The following DHRS4L2 variants were observed in gnomAD, a reference collection of about 807,000 sequenced individuals.
DHRS4L2 encodes dehydrogenase/reductase 4 like 2.
DHRS4L2 carries 22 observed loss-of-function variants against 23.9 expected under a neutral mutation model. The ratio of observed to expected loss-of-function variants is 0.92; its 90% confidence interval spans 0.66 to 1.31. The LOEUF is 1.31. DHRS4L2 is among the 40% of genes most tolerant of loss of function. The probability of loss-of-function intolerance (pLI) is 0.00; values close to 1 mark genes in which losing one functional copy is unlikely to be tolerated. For synonymous variants in DHRS4L2, 141 were observed against 123.7 expected, an observed-to-expected ratio of 1.14 and a Z score of -0.93; for missense variants, 385 against 303.3, an observed-to-expected ratio of 1.27 and a Z score of -2.00.
chr14:23,993,052 C>A (rs1297071767), intron 2 of DHRS4L2, among the ~76,000 whole-genome samples: 1 of 148,706 alleles, frequency 6.7e-6, no homozygotes, highest in Non-Finnish European at 1.5e-5. Flanking sequence ...TGCTGACAGA[C>A]CTGGAAGGAG....
At chr14:23,977,123 G>C (rs899909914) in intron 1 of DHRS4L2, among the ~76,000 whole-genome samples, 1 of 151,822 alleles carries the variant, frequency 6.6e-6, no homozygotes, top group Non-Finnish European at 1.5e-5. Flanking sequence ...AGAAATTCTA[G>C]ATAGAGCAAT....
intron 2 of DHRS4L2, among the ~76,000 whole-genome samples, chr14:23,993,164 C>T (rs907701442): frequency 5.4e-5 from 8 of 148,592 alleles, no homozygotes; most frequent in Admixed American, 5.3e-4. Flanking sequence ...GAGCACAGTG[C>T]ACATCACTTA....
intron 1 of DHRS4L2, 85 bp from the exon 2 acceptor site, chr14:23,990,097 C>A: frequency 1.3e-6 from 2 of 1,566,878 alleles, no homozygotes; most frequent in Non-Finnish European, 1.7e-6. Flanking sequence ...GAATTCAAAC[C>A]CGGGCAGTCT....
intron 1 of DHRS4L2, among the ~76,000 whole-genome samples, chr14:23,976,490 T>C (rs1452458008): frequency 6.6e-6 from 1 of 151,762 alleles, no homozygotes; most frequent in Non-Finnish European, 1.5e-5. Flanking sequence ...ATAGGAAGGC[T>C]TTTAGACTGT....
chr14:23,977,063 C>A lies in DHRS4L2; in HGVS notation c.-176+6731C>A, dbSNP rs573989367. Among the ~76,000 whole-genome samples, 19 of 151,858 alleles carry A rather than the reference C, an allele frequency of 1.3e-4. 1 individual carries two copies. Among genetic ancestry groups the A allele is most frequent in the South Asian group, 8.3e-4 (4 of 4,806 alleles). On this transcript the variant is annotated intron_variant, in intron 1 of 5. Transcript: ENST00000534993. ...ATACATGTATACCTATGTAAAAAAC[C>A]TGCACGTTGTGCACATGTGCCCTAG...
At chr14:23,985,369 CT>C (rs1566490886), upstream of DHRS4L2, among the ~76,000 whole-genome samples, 1 of 151,330 alleles carries the variant, frequency 6.6e-6, no homozygotes, top group Non-Finnish European at 1.5e-5. Context: ...TGTTAACACT[CT>C]TACTATTATT....
intron 1 of DHRS4L2, among the ~76,000 whole-genome samples, chr14:23,972,331 C>T (rs1286323174): frequency 1.3e-5 from 2 of 151,942 alleles, no homozygotes; most frequent in Non-Finnish European, 2.9e-5. Context: ...GTGAGTGTTA[C>T]AGCTCTTAAG....
At chr14:23,982,389 G>T (rs1232092277) in intron 1 of DHRS4L2, among the ~76,000 whole-genome samples, 1 of 151,640 alleles carries the variant, frequency 6.6e-6, no homozygotes, top group Non-Finnish European at 1.5e-5. Context: ...GCATCTCAGG[G>T]CAAAGCAATT....
intron 3 of DHRS4L2, among the ~76,000 whole-genome samples, chr14:23,998,299 T>C (rs1185713144): frequency 3.6e-4 from 54 of 151,798 alleles, no homozygotes; most frequent in African/African-American, 9.7e-5. Context: ...TTCAGAATGG[T>C]AAATGAGCAT....
intron 1 of DHRS4L2, among the ~76,000 whole-genome samples, chr14:23,976,724 A>G (rs963975528): frequency 2.0e-5 from 3 of 151,892 alleles, no homozygotes; most frequent in African/African-American, 7.3e-5. Context: ...TCAATGATAG[A>G]CTGGATAAAG....
chr14:23,983,078 G>C (rs535833230), intron 1 of DHRS4L2, among the ~76,000 whole-genome samples: 1 of 151,540 alleles, frequency 6.6e-6, no homozygotes. Flanking sequence ...AGAGACTATC[G>C]TCAGAGTGAA....
chr14:23,972,680 A>G (rs568133584), intron 1 of DHRS4L2, among the ~76,000 whole-genome samples: 1 of 151,978 alleles, frequency 6.6e-6, no homozygotes, highest in Admixed American at 6.6e-5. Context: ...AACAACAGTG[A>G]GTCCAGGGGA....
chr14:24,001,437 C>T lies in DHRS4L2; in HGVS notation c.585C>T (p.Thr195=). 1 of 1,607,664 alleles carries T rather than the reference C, an allele frequency of 6.2e-7. No homozygotes were observed. ...SKTALLGLNN[T]LAIELAPRNI... Reference sequence around the variant, plus strand: ...CAGCCTTGCTGGGCCTCAACAATACCCTGGCCATAGAGCTGGCCCCAAGGA... The same window carrying T: ...CAGCCTTGCTGGGCCTCAACAATACTCTGGCCATAGAGCTGGCCCCAAGGA... The change falls in exon 6 of 8, where the codon ACC becomes ACT. Residue 195 remains threonine, a synonymous_variant. Coordinates refer to ENST00000335125, the MANE Select transcript of DHRS4L2 (RefSeq NM_198083.4).
In DHRS4L2 at chr14:24,004,374, A is replaced by C. The variant is rs755198124; in HGVS notation, c.*4A>C. ...AAGGAAAAAGAGGAAAGCATGAAAG[A>C]AACCCTGCGGATAAGAAGGTAAACT... is the stretch of plus-strand genomic sequence containing the variant. On this transcript the variant is annotated 3_prime_UTR_variant, in exon 7 of 8. Transcript: ENST00000335125. 5.2e-5 allele frequency: 84 copies of C among 1,604,420 alleles called. 2 individuals are homozygous for C. Among genetic ancestry groups the C allele is most frequent in the Non-Finnish European group, 7.0e-5 (82 of 1,178,614 alleles).
intron 2 of DHRS4L2, among the ~76,000 whole-genome samples, chr14:23,992,060 G>C (rs2138539404): frequency 6.6e-6 from 1 of 151,762 alleles, no homozygotes; most frequent in Non-Finnish European, 1.5e-5. Flanking sequence ...GATACGTTAA[G>C]GACCTTAAAA....
rs779986156 is a variant in DHRS4L2, at chr14:23,990,376, T to A, written c.306+17T>A. On this transcript the variant is annotated intron_variant, in intron 2 of 7. Coordinates refer to ENST00000335125, the MANE Select transcript of DHRS4L2 (RefSeq NM_198083.4). ...GTGGCCATGGTGAGCTGCAGGGAAA[T>A]GGGCACAGAGCCAGGAGGTGGAAAA... The A allele has an allele frequency of 6.2e-7, 1 of 1,604,260 alleles. No homozygotes were observed. The highest frequency in any genetic ancestry group is 1.1e-5 in the South Asian group (1 of 89,986).
intron 1 of DHRS4L2, among the ~76,000 whole-genome samples, chr14:23,972,410 TCA>T (rs2033877398): frequency 6.6e-6 from 1 of 152,048 alleles, no homozygotes; most frequent in Non-Finnish European, 1.5e-5. Flanking sequence ...GTTCGTGGCC[TCA>T]CTGGCCTCAG....
chr14:23,989,823 G>A (rs938555113), intron 1 of DHRS4L2, among the ~76,000 whole-genome samples: 5 of 151,708 alleles, frequency 3.3e-5, no homozygotes, highest in African/African-American at 7.3e-5. Context: ...GAAACCTGGC[G>A]GCAGGACTGT....
At chr14:23,988,521 G>T (rs1870870499), upstream of DHRS4L2, among the ~76,000 whole-genome samples, 1 of 150,956 alleles carries the variant, frequency 6.6e-6, no homozygotes, top group South Asian at 2.1e-4. Flanking sequence ...CCCTCCTGTG[G>T]GCTGTCACAT....
Sources: gnomAD v4.1 joint callset for allele counts (sites outside exome capture counted in the v4.1 genomes callset) on GRCh38, gnomAD v4.1.1 for gene constraint, MANE v1.5 for transcripts, NCBI Gene and HGNC (gene_info 2026-07-23, HGNC 2026-07-21) for gene names.